The following NUBP1 variants were observed in gnomAD, a reference collection of about 807,000 sequenced individuals.
NUBP1 encodes cytosolic Fe-S cluster assembly factor NUBP1.
Under a neutral mutation model 41.8 loss-of-function variants are expected in NUBP1, and 46 were observed. The ratio of observed to expected loss-of-function variants is 1.10; its 90% CI spans 0.87 to 1.41. The LOEUF is 1.41. NUBP1 is among the 40% of genes most tolerant of loss of function. The pLI is 0.00. For missense variants in NUBP1, 494 were observed against 414.0 expected, an observed-to-expected ratio of 1.19 and a Z score of -1.68; for synonymous variants, 189 against 154.6, an observed-to-expected ratio of 1.22 and a Z score of -1.65.
At chr16:10,756,931 A>G (rs900564965) in intron 6 of NUBP1, 151 bp downstream of exon 6, 2 of 585,910 alleles carry the variant, frequency 3.4e-6, no homozygotes, top group African/African-American at 4.0e-5. Flanking sequence ...TCACTGGTTG[A>G]AAAGAGCTAA....
chr16:10,749,196 C>T lies in NUBP1; in HGVS notation c.258+1920C>T, dbSNP rs562716034. Among the ~76,000 whole-genome samples the T allele has an allele frequency of 6.6e-6, 1 of 150,552 alleles. No individual in the cohort carries two copies. Among genetic ancestry groups the T allele is most frequent in the African/African-American group, 2.5e-5 (1 of 40,554 alleles). On this transcript the variant is annotated intron_variant, in intron 3 of 10. Transcript: ENST00000283027. The surrounding 1 kb of genome is among the most constrained non-coding windows in gnomAD (Gnocchi z 4.1). ...GTTGATTCGTCATTCTGTGAGTCAG[C>T]GATCTCTTGCCATTTGAGGGTCAAA...
chr16:10,747,410 G>A, intron 3 of NUBP1, 134 bp downstream of exon 3: 1 of 1,155,320 alleles, frequency 8.7e-7, no homozygotes, highest in Non-Finnish European at 1.2e-6. Flanking sequence ...AAGGCGGGCA[G>A]ATCACTTGAG....
In NUBP1 at chr16:10,767,502, G is replaced by A. The variant is rs1172457722; in HGVS notation, c.821-447G>A. 2.3e-6 allele frequency: 1 copy of A among 432,680 alleles called. No homozygotes were observed. The highest frequency in any genetic ancestry group is 4.0e-6 in the Non-Finnish European group (1 of 247,122). The allele number at this position is 432,680 out of a possible 1,614,324, so 26.8% of individuals were successfully genotyped here. ...TGTGTGTGCGCACACATGCAAGTGT[G>A]CACATTTATATGCGCATAATCTTTC... On this transcript the variant is annotated intron_variant, in intron 9 of 10. Transcript: ENST00000283027. The surrounding 1 kb of genome is among the most constrained non-coding windows in gnomAD (Gnocchi z 4.6).
At chr16:10,758,824 G>C (rs1490541693) in intron 7 of NUBP1, among the ~76,000 whole-genome samples, 2 of 152,168 alleles carry the variant, frequency 1.3e-5, no homozygotes, top group African/African-American at 4.8e-5. Context: ...CTTCCGTAGT[G>C]ACACCCAGCA....
At chr16:10,747,033 C>T in intron 2 of NUBP1, 110 bp from the exon 3 acceptor site, 1 of 1,311,314 alleles carries the variant, frequency 7.6e-7, no homozygotes, top group Non-Finnish European at 1.1e-6. Context: ...TTTTAAACAG[C>T]CCCAGGACTA....
Position 10,747,156 on chromosome 16 carries a change from CAA to C in NUBP1, c.140_141del (p.Lys47ArgfsTer36). 1 of 1,614,008 alleles carries C rather than the reference CAA, an allele frequency of 6.2e-7. No homozygotes were observed. The highest frequency in any genetic ancestry group is 2.2e-5 in the East Asian group (1 of 44,874). On this transcript the variant is annotated frameshift_variant, in exon 3 of 11. Transcript: ENST00000283027. LOFTEE classifies it high-confidence loss of function. ...TTTTCTTTGCAGCTATAGAGGAAAT[CAA>C]AGAGAAAATGAAGACTGTAAAACAC... Reference protein sequence around the residue: ...ATPDTAIEEIKEKMKTVKHKI... With the variant: ...ATPDTAIEEIXEKMKTVKHKI...
Position 10,769,164 on chromosome 16 carries a change from TCCAG to T in NUBP1, c.*64_*67del. On this transcript the variant is annotated 3_prime_UTR_variant, in exon 11 of 11. Transcript: ENST00000283027. Reference sequence around the variant, plus strand: ...AGCGAGGCACTCACTGGGCAGCACATCCAGCCAGACCCGACCAGCTCCGGGATGG... The same window carrying T: ...AGCGAGGCACTCACTGGGCAGCACATCCAGACCCGACCAGCTCCGGGATGG... 6.5e-7 allele frequency: 1 copy of T among 1,544,332 alleles called. No homozygotes were observed. Among genetic ancestry groups the T allele is most frequent in the Non-Finnish European group, 8.9e-7 (1 of 1,117,634 alleles).
chr16:10,761,870 C>T lies in NUBP1; in HGVS notation c.820+11C>T. The stretch of plus-strand genomic sequence containing the variant: ...TGGATCCGCTCATAGGTGGGTGACC[C>T]CAGTGTGGGGCGGCACCTCACTCCT... On this transcript the variant is annotated intron_variant, in intron 9 of 10. Transcript: ENST00000283027. The T allele has an allele frequency of 6.2e-7, 1 of 1,606,112 alleles. No individual in the cohort carries two copies. The highest frequency in any genetic ancestry group is 8.5e-7 in the Non-Finnish European group (1 of 1,173,248).
At position 10,756,731 on chromosome 16, in the gene NUBP1, G is replaced by A. The variant is rs1307375071; in HGVS notation, c.402G>A (p.Leu134=). The A allele has an allele frequency of 6.3e-7, 1 of 1,581,928 alleles. No homozygotes were observed. The highest frequency in any genetic ancestry group is 1.4e-5 in the African/African-American group (1 of 72,568). ...DNLGVMSVGF[L]LSSPDDAVIW... is the part of the protein sequence containing the mutation. ...TGGGGGTGATGTCAGTGGGCTTCCT[G>A]CTCAGCAGTCCTGATGATGCTGTTA... The change falls in exon 6 of 11, where the codon CTG becomes CTA. Residue 134 remains leucine (L), a synonymous_variant. Coordinates refer to ENST00000283027, the MANE Select transcript of NUBP1 (RefSeq NM_002484.4).
Position 10,766,649 on chromosome 16 carries a change from A to C in NUBP1, c.821-1300A>C. 3.9e-6 allele frequency: 1 copy of C among 257,356 alleles called. No homozygotes were observed. The highest frequency in any genetic ancestry group is 7.3e-6 in the Non-Finnish European group (1 of 137,348). 15.9% of individuals were successfully genotyped at this position (257,356 alleles called of 1,614,324 possible). A position where few individuals can be genotyped will look rare whatever the true frequency, so the allele number is the denominator to read the frequency against. On this transcript the variant is annotated intron_variant, in intron 9 of 10. Transcript: ENST00000283027. The surrounding 1 kb of genome is among the most constrained non-coding windows in gnomAD (Gnocchi z 4.8). ...GATGTCCAGGTTCTTGGTGTCTGGAACAAAAAATTGGACAAAACGCACAAA... is the reference window on the plus strand; with the variant it reads ...GATGTCCAGGTTCTTGGTGTCTGGACCAAAAAATTGGACAAAACGCACAAA...
intron 3 of NUBP1, among the ~76,000 whole-genome samples, chr16:10,752,061 C>T (rs1219961446): frequency 1.3e-5 from 2 of 152,244 alleles, no homozygotes; most frequent in Non-Finnish European, 1.5e-5. Context: ...AGCCACTGCA[C>T]CCAGCCCCCA....
At chr16:10,756,431 T>C (rs766040622) in intron 5 of NUBP1, among the ~76,000 whole-genome samples, 3 of 151,730 alleles carry the variant, frequency 2.0e-5, no homozygotes, top group African/African-American at 4.8e-5. Context: ...ATTTACTTAT[T>C]TTAGCTGAGT....
At position 10,757,457 on chromosome 16, in the gene NUBP1, T is replaced by C. The variant is rs1900634168; in HGVS notation, c.452-416T>C. ...CTTTAGCCTCAGCACTATTGATATT[T>C]TGAGCCAGATAAGTCTTTGTTGGGG... is the stretch of plus-strand genomic sequence containing the variant. On this transcript the variant is annotated intron_variant, in intron 6 of 10. Coordinates refer to ENST00000283027, the MANE Select transcript of NUBP1 (RefSeq NM_002484.4). This position sits in a 1 kb window ranked among gnomAD's most constrained non-coding sequence, Gnocchi z 4.1. Among the ~76,000 whole-genome samples, 1 of 152,152 alleles carries C rather than the reference T, an allele frequency of 6.6e-6. No individual in the cohort carries two copies. The highest frequency in any genetic ancestry group is 2.1e-4 in the South Asian group (1 of 4,830).
intron 4 of NUBP1, among the ~76,000 whole-genome samples, chr16:10,752,972 T>A (rs1900391586): frequency 1.3e-5 from 2 of 152,134 alleles, no homozygotes; most frequent in Admixed American, 1.3e-4. Context: ...TTTTTGTATT[T>A]TTGGTAGAGA....
intron 3 of NUBP1, among the ~76,000 whole-genome samples, chr16:10,751,912 T>C (rs1046608092): frequency 2.0e-5 from 3 of 152,338 alleles, no homozygotes; most frequent in Admixed American, 2.0e-4. Flanking sequence ...CCTCAGTTTA[T>C]GTCCCAGCTC....
intron 5 of NUBP1, among the ~76,000 whole-genome samples, chr16:10,756,480 G>C (rs1900562165): frequency 6.6e-6 from 1 of 151,140 alleles, no homozygotes; most frequent in African/African-American, 2.4e-5. Context: ...TGGACATACA[G>C]TGCCTCTTTC....
chr16:10,752,737 G>A, intron 4 of NUBP1, 59 bp downstream of exon 4: 1 of 1,393,326 alleles, frequency 7.2e-7, no homozygotes, highest in African/African-American at 1.4e-5. Flanking sequence ...CTGTAGCACT[G>A]AACTGTCAAA....
chr16:10,747,317 G>A, intron 3 of NUBP1, 41 bp downstream of exon 3: 2 of 1,605,604 alleles, frequency 1.2e-6, no homozygotes, highest in Non-Finnish European at 1.7e-6. Flanking sequence ...CATTTTGTCT[G>A]AGGGTCGTGA....
chr16:10,750,697 C>T (rs1442200388), intron 3 of NUBP1, among the ~76,000 whole-genome samples: 2 of 152,228 alleles, frequency 1.3e-5, no homozygotes, highest in African/African-American at 4.8e-5. Flanking sequence ...GAGCAGTTGT[C>T]TCACAGATCA....
Sources: allele counts gnomAD v4.1 joint callset (sites outside exome capture counted in the v4.1 genomes callset), GRCh38; gene constraint gnomAD v4.1.1; non-coding constraint Gnocchi (gnomAD v3.1); transcripts MANE v1.5; gene names NCBI Gene and HGNC (gene_info 2026-07-23, HGNC 2026-07-21).